PSME4: variants seen among roughly 807,000 people sequenced by gnomAD.
PSME4 encodes the protein proteasome activator complex subunit 4.
In PSME4, 89 loss-of-function variants were observed where a neutral mutation model predicts 253.9. That is an observed-to-expected ratio of 0.35 (90% confidence interval 0.30 to 0.42). The LOEUF is 0.42. Ranked by LOEUF, PSME4 falls within the 10% of genes least tolerant of loss-of-function variation. The pLI, the probability that PSME4 is intolerant of heterozygous loss-of-function variation, is 1.00. For missense variants in PSME4, 2,014 were observed against 2,195.2 expected (o/e 0.92, Z 1.65); for synonymous variants, 851 against 759.2 (o/e 1.12, Z -1.99).
rs752821264 is a variant in PSME4, at chr2:53,919,265, C to T, written c.2421-19G>A. 1.3e-6 allele frequency: 2 copies of T among 1,548,526 alleles called. No individual in the cohort carries two copies. Among genetic ancestry groups the T allele is most frequent in the East Asian group, 2.3e-5 (1 of 42,848 alleles). ...ATCATCTCTAGAAAAAAAAAAAAGA[C>T]ATTTTCATATTTCCAAATCCCTATT... is the stretch of plus-strand genomic sequence containing the variant. On this transcript the variant is annotated intron_variant, in intron 19 of 46. Transcript: ENST00000404125.
chr2:53,900,126 CAT>C, intron 28 of PSME4, 109 bp from the exon 29 acceptor site: 1 of 1,006,804 alleles, frequency 9.9e-7, no homozygotes. Context: ...CAAAAGTCCA[CAT>C]ATTTTACGAT....
chr2:53,920,165 A>G, intron 19 of PSME4, 28 bp downstream of exon 19: 1 of 1,566,292 alleles, frequency 6.4e-7, no homozygotes, highest in Non-Finnish European at 8.6e-7. Flanking sequence ...CTGCAACTGA[A>G]TAACTCTAAT....
chr2:53,940,940 AATATATATATACATATAT>A lies in PSME4; in HGVS notation c.501-958_501-941del, dbSNP rs1439986838. On this transcript the variant is annotated intron_variant, in intron 3 of 46. Transcript: ENST00000404125. ...TAAATATATATATAATACATATATA[AATATATATATACATATAT>A]ATATATATATATATATATATATATA... 5.7e-4 allele frequency among the ~76,000 whole-genome samples: 29 copies of A among 51,312 alleles called. 4 individuals carry two copies. The highest frequency in any genetic ancestry group is 2.4e-3 in the African/African-American group (24 of 9,946). The allele number at this position is 51,312 out of a possible 152,430, so 33.7% of individuals were successfully genotyped here.
intron 1 of PSME4, among the ~76,000 whole-genome samples, chr2:53,953,553 T>C (rs1321939545): frequency 6.7e-6 from 1 of 149,376 alleles, no homozygotes; most frequent in Non-Finnish European, 1.5e-5. Context: ...GCATTATTCT[T>C]GGGATCCAAA....
Position 53,878,460 on chromosome 2 carries a change from A to T in PSME4, c.4816-2705T>A, listed in dbSNP as rs183948123. Among the ~76,000 whole-genome samples the T allele has an allele frequency of 2.6e-5, 4 of 152,374 alleles. No homozygotes were observed. The East Asian group carries it at 7.7e-4, about 29-fold the overall frequency. On this transcript the variant is annotated intron_variant, in intron 41 of 46. Transcript: ENST00000404125. ...AGAACAGGATAACAGCAATGTTCAG[A>T]CAACAAAGGAGATGACCTTAAACTC...
chr2:53,932,131 A>T, intron 9 of PSME4, 31 bp from the exon 10 acceptor site: 1 of 1,598,502 alleles, frequency 6.3e-7, no homozygotes, highest in Non-Finnish European at 8.5e-7. Flanking sequence ...AGTTCTAAGT[A>T]GGTTCTACTT....
intron 41 of PSME4, among the ~76,000 whole-genome samples, chr2:53,881,128 C>T (rs1043642023): frequency 2.5e-4 from 38 of 152,248 alleles, no homozygotes; most frequent in African/African-American, 8.7e-4. Context: ...AGATTATATA[C>T]TAAACTATGT....
At chr2:53,905,107 GC>G (rs1680593699) in intron 26 of PSME4, among the ~76,000 whole-genome samples, 1 of 146,684 alleles carries the variant, frequency 6.8e-6, no homozygotes, top group Non-Finnish European at 1.5e-5. Context: ...TCGGCTCACT[GC>G]AACCTCCGCC....
In PSME4 at chr2:53,864,359, A is replaced by G. The variant is rs1013583970; in HGVS notation, c.*1219T>C. On this transcript the variant is annotated 3_prime_UTR_variant, in exon 47 of 47. Transcript: ENST00000404125. The stretch of plus-strand genomic sequence containing the variant: ...CTCTATAAACTTGTCATAGGCAAAC[A>G]TGTGGTGTTAGCATTGAGAGATGCA... 2 of 152,330 alleles carry G rather than the reference A, an allele frequency of 1.3e-5. No individual in the cohort carries two copies. The highest frequency in any genetic ancestry group is 4.8e-5 in the African/African-American group (2 of 41,372). 9.4% of individuals were successfully genotyped at this position (152,330 alleles called of 1,614,324 possible).
chr2:53,871,399 A>G (rs1193464198), intron 43 of PSME4, among the ~76,000 whole-genome samples: 1 of 151,918 alleles, frequency 6.6e-6, no homozygotes, highest in Non-Finnish European at 1.5e-5. Context: ...TACAGCTACA[A>G]CCCGCTGCCA....
At chr2:53,898,728 G>A (rs1680256877) in intron 29 of PSME4, among the ~76,000 whole-genome samples, 1 of 151,574 alleles carries the variant, frequency 6.6e-6, no homozygotes, top group Admixed American at 6.6e-5. Context: ...ATTATTTATA[G>A]ACATTTTAGA....
At chr2:53,889,217 T>A (rs1312957589) in intron 37 of PSME4, among the ~76,000 whole-genome samples, 1 of 152,138 alleles carries the variant, frequency 6.6e-6, no homozygotes, top group African/African-American at 2.4e-5. Flanking sequence ...AGTCGTCCCT[T>A]GGTATCTGTG....
At chr2:53,898,175 T>G (rs1250211081) in intron 30 of PSME4, 126 bp downstream of exon 30, 2 of 1,194,052 alleles carry the variant, frequency 1.7e-6, no homozygotes, top group Non-Finnish European at 2.3e-6. Context: ...CCTCTTAATC[T>G]GCTTCCAAAT....
chr2:53,874,620 G>A (rs1679038309), intron 42 of PSME4, 126 bp from the exon 43 acceptor site: 2 of 969,234 alleles, frequency 2.1e-6, no homozygotes, highest in South Asian at 1.6e-5. Context: ...GTATAGTTAG[G>A]ACAAGCTCAT....
At chr2:53,938,998 C>T (rs1669254031) in intron 4 of PSME4, among the ~76,000 whole-genome samples, 1 of 152,110 alleles carries the variant, frequency 6.6e-6, no homozygotes. Context: ...CTATGAATTA[C>T]CTATGAGCCA....
At chr2:53,966,070 G>C (rs1384541962) in intron 1 of PSME4, among the ~76,000 whole-genome samples, 1 of 151,982 alleles carries the variant, frequency 6.6e-6, no homozygotes, top group Non-Finnish European at 1.5e-5. Context: ...CGGATCATTT[G>C]GGGCCAGGAG....
Position 53,901,412 on chromosome 2 carries a change from A to T in PSME4, c.3223T>A (p.Leu1075Met). ...MSLEKPSIVR[L>M]FDDLAEKIHR... ...ATCTTTTCTGCAAGATCATCAAACA[A>T]TCTCACTATTGATGGCTTTTCCAGG... Residue 1075 changes from leucine to methionine, a missense_variant, in exon 28 of 47, where the codon TTG becomes ATG. Coordinates refer to ENST00000404125, the MANE Select transcript of PSME4 (RefSeq NM_014614.3). The T allele has an allele frequency of 6.2e-7, 1 of 1,614,150 alleles. No individual in the cohort carries two copies.
At chr2:53,941,361 G>C (rs1669445989) in intron 3 of PSME4, among the ~76,000 whole-genome samples, 1 of 150,704 alleles carries the variant, frequency 6.6e-6, no homozygotes, top group Non-Finnish European at 1.5e-5. Context: ...TCATGAGAGG[G>C]AGGTTCTTCT....
At position 53,970,785 on chromosome 2, in the gene PSME4, G is replaced by A. The variant is rs1389335197; in HGVS notation, c.-1C>T. The A allele has an allele frequency of 6.5e-6, 10 of 1,538,300 alleles. No individual in the cohort carries two copies. The highest frequency in any genetic ancestry group is 4.1e-5 in the African/African-American group (3 of 72,418). On this transcript the variant is annotated 5_prime_UTR_variant, in exon 1 of 47. Coordinates refer to ENST00000404125, the MANE Select transcript of PSME4 (RefSeq NM_014614.3). ...CTCCCGCCCGCTCGGCCGGCTCCAT[G>A]AGCCCAGGGACACCCCCCCCACCCC...
Sources: allele counts gnomAD v4.1 joint callset (sites outside exome capture counted in the v4.1 genomes callset), GRCh38; gene constraint gnomAD v4.1.1; transcripts MANE v1.5; gene names NCBI Gene and HGNC (gene_info 2026-07-23, HGNC 2026-07-21).